Variants in NINJ2 observed in about 807,000 individuals in gnomAD.
NINJ2 encodes ninjurin-2.
Under a neutral mutation model 11.7 loss-of-function variants are expected in NINJ2, and 12 were observed. The observed-to-expected ratio is 1.02, with a 90% CI of 0.66 to 1.66. The LOEUF is 1.66. Among genes scored for constraint, NINJ2 ranks in the 40% most tolerant of loss-of-function variants. The probability of loss-of-function intolerance (pLI) is 0.00; values close to 1 mark genes in which losing one functional copy is unlikely to be tolerated. For missense variants in NINJ2, 187 were observed against 181.8 expected, an observed-to-expected ratio of 1.03 and a Z score of -0.16; for synonymous variants, 93 against 76.8, an observed-to-expected ratio of 1.21 and a Z score of -1.10.
At position 585,871 on chromosome 12, in the gene NINJ2, G is replaced by A. The variant is rs1363367176; in HGVS notation, c.34-19693C>T. 4 of 152,116 alleles carry A rather than the reference G, an allele frequency of 2.6e-5. No homozygotes were observed. 9.4% of individuals were successfully genotyped at this position (152,116 alleles called of 1,614,324 possible). A position where few individuals can be genotyped will look rare whatever the true frequency, so the allele number is the denominator to read the frequency against. On this transcript the variant is annotated intron_variant, in intron 1 of 3. Transcript: ENST00000305108. The surrounding 1 kb of genome is among the most constrained non-coding windows in gnomAD (Gnocchi z 4.1). ...AGAGCAGGAGCGCCTCCATCCAGGG[G>A]CGTGGAGGAGGCTCTGTGGATCTCA...
chr12:642,454 C>T (rs1355807887), intron 1 of NINJ2, among the ~76,000 whole-genome samples: 2 of 152,330 alleles, frequency 1.3e-5, no homozygotes, highest in African/African-American at 4.8e-5. Context: ...TGGTCTTGAA[C>T]TCCTGACCTC....
At chr12:602,355 G>A (rs1261414795) in intron 1 of NINJ2, among the ~76,000 whole-genome samples, 1 of 152,148 alleles carries the variant, frequency 6.6e-6, no homozygotes, top group Non-Finnish European at 1.5e-5. Context: ...TGTCTGTATC[G>A]ATTTTGGATA....
intron 1 of NINJ2, among the ~76,000 whole-genome samples, chr12:594,956 A>T (rs1947762164): frequency 6.6e-6 from 1 of 152,252 alleles, no homozygotes; most frequent in African/African-American, 2.4e-5. Flanking sequence ...ACAGTAATCA[A>T]CACAGTGTGA....
intron 1 of NINJ2, among the ~76,000 whole-genome samples, chr12:607,917 C>A (rs1947961082): frequency 6.6e-6 from 1 of 152,152 alleles, no homozygotes; most frequent in Non-Finnish European, 1.5e-5. Context: ...TTCCTGGCTC[C>A]AGTCCTTTGG....
At chr12:618,361 G>A (rs74056408) in intron 1 of NINJ2, among the ~76,000 whole-genome samples, 20,093 of 94,114 alleles carry the variant, frequency 0.21, 4,039 homozygotes, top group Middle Eastern at 0.3. Context: ...GTGAGGAGTT[G>A]GTAATGAGGT....
intron 1 of NINJ2, among the ~76,000 whole-genome samples, chr12:611,239 CTT>C (rs1948026281): frequency 8.2e-6 from 1 of 121,380 alleles, no homozygotes; most frequent in Admixed American, 7.8e-5. Flanking sequence ...TTCTTTCTTT[CTT>C]TCTTTCTCTC....
chr12:576,475 C>T (rs555071553), intron 1 of NINJ2, among the ~76,000 whole-genome samples: 54 of 152,072 alleles, frequency 3.6e-4, no homozygotes, highest in Non-Finnish European at 5.7e-4. Context: ...CTCGGGCCTG[C>T]TTGCTTGCTT....
rs184858373 is a variant in NINJ2 at position 649,721 on chromosome 12, A to G, written c.33+13607T>C. Among the ~76,000 whole-genome samples, 603 of 152,088 alleles carry G rather than the reference A, an allele frequency of 4.0e-3. 7 individuals are homozygous for G. The highest frequency in any genetic ancestry group is 4.6e-3 in the South Asian group (22 of 4,826). On this transcript the variant is annotated intron_variant, in intron 1 of 3. Coordinates refer to ENST00000305108, the MANE Select transcript of NINJ2 (RefSeq NM_016533.6). Reference sequence around the variant, plus strand: ...AGTAACAGATGAAAATAAATCATTCATAAACCCATAATCCAGAAATAACTA... The same window carrying G: ...AGTAACAGATGAAAATAAATCATTCGTAAACCCATAATCCAGAAATAACTA...
intron 1 of NINJ2, among the ~76,000 whole-genome samples, chr12:584,633 C>A (rs1209556628): frequency 6.6e-6 from 1 of 151,494 alleles, no homozygotes; most frequent in Non-Finnish European, 1.5e-5. Flanking sequence ...TAGTGAAACC[C>A]CATATCTACT....
At chr12:582,400 T>G (rs1947568728) in intron 1 of NINJ2, among the ~76,000 whole-genome samples, 1 of 121,292 alleles carries the variant, frequency 8.2e-6, no homozygotes, top group Non-Finnish European at 1.7e-5. Flanking sequence ...CTAGAGTGAA[T>G]GAATGAATGG....
chr12:652,808 C>T (rs1020492561), intron 1 of NINJ2, among the ~76,000 whole-genome samples: 2 of 151,090 alleles, frequency 1.3e-5, no homozygotes, highest in African/African-American at 2.4e-5. Context: ...ATTAGCTGGG[C>T]GTGGTGGCAG....
chr12:582,800 C>T (rs112475123), intron 1 of NINJ2, among the ~76,000 whole-genome samples: 1 of 73,816 alleles, frequency 1.4e-5, no homozygotes, highest in Non-Finnish European at 2.5e-5. Flanking sequence ...AATGAATGGA[C>T]GCAGGCAGGC....
intron 1 of NINJ2, among the ~76,000 whole-genome samples, chr12:624,901 G>A (rs1268323495): frequency 6.9e-6 from 1 of 145,074 alleles, no homozygotes; most frequent in Non-Finnish European, 1.5e-5. Context: ...CTGAGGTAAG[G>A]AGTTCGAGAC....
chr12:634,265 CTTTTTTTTT>C (rs67797144), intron 1 of NINJ2, among the ~76,000 whole-genome samples: 2,629 of 59,738 alleles, frequency 0.044, 68 homozygotes, highest in Middle Eastern at 0.13. Context: ...AGTTGCAGTT[CTTTTTTTTT>C]TTTTTTTTTT....
At chr12:615,476 T>A (rs1157487346) in intron 1 of NINJ2, among the ~76,000 whole-genome samples, 2 of 152,060 alleles carry the variant, frequency 1.3e-5, no homozygotes, top group African/African-American at 2.4e-5. Flanking sequence ...TAATCCCAAC[T>A]ACTTGGGAGG....
intron 1 of NINJ2, among the ~76,000 whole-genome samples, chr12:653,191 T>C (rs987167387): frequency 3.4e-4 from 52 of 151,670 alleles, no homozygotes; most frequent in African/African-American, 1.2e-3. Context: ...TGGCTAATGT[T>C]TTGTATTTTT....
chr12:578,132 C>T (rs538451188), intron 1 of NINJ2, among the ~76,000 whole-genome samples: 2 of 152,220 alleles, frequency 1.3e-5, no homozygotes, highest in East Asian at 1.9e-4. Flanking sequence ...TTCTAATTAC[C>T]GGTGCATGCA....
intron 1 of NINJ2, among the ~76,000 whole-genome samples, chr12:609,292 GCA>G (rs1192571143): frequency 2.3e-4 from 14 of 61,970 alleles, no homozygotes; most frequent in African/African-American, 1.1e-3. Flanking sequence ...GGTGCTGAAC[GCA>G]CACGCACGGC....
chr12:656,797 T>G (rs1937879568), intron 1 of NINJ2, among the ~76,000 whole-genome samples: 1 of 150,964 alleles, frequency 6.6e-6, no homozygotes, highest in Non-Finnish European at 1.5e-5. Flanking sequence ...AGACAATGTG[T>G]TTTGGACAAA....
Sources: allele counts gnomAD v4.1 joint callset (sites outside exome capture counted in the v4.1 genomes callset), GRCh38; gene constraint gnomAD v4.1.1; non-coding constraint Gnocchi (gnomAD v3.1); transcripts MANE v1.5; gene names NCBI Gene and HGNC (gene_info 2026-07-23, HGNC 2026-07-21).